The following DHX30 variants were observed in gnomAD, a reference collection of about 807,000 sequenced individuals.
DHX30 encodes DExH-box helicase 30, also known as ATP-dependent RNA helicase DHX30.
A neutral mutation model predicts 116.9 loss-of-function variants in DHX30; 4 were observed. The ratio of observed to expected loss-of-function variants is 0.03; its 90% CI spans 0.02 to 0.08. The LOEUF (loss-of-function observed/expected upper bound fraction) is 0.08. DHX30 is among the 10% of genes least tolerant of loss of function. The pLI, the probability that DHX30 is intolerant of heterozygous loss-of-function variation, is 1.00. For missense variants in DHX30, 871 were observed against 1,595.1 expected (o/e 0.55, Z 7.73); for synonymous variants, 697 against 651.7 (o/e 1.07, Z -1.06).
At position 47,848,513 on chromosome 3, in the gene DHX30, G is replaced by A. The variant is rs1249353377; in HGVS notation, c.2538G>A (p.Lys846=). 1 of 1,614,090 alleles carries A rather than the reference G, an allele frequency of 6.2e-7. No homozygotes were observed. The highest frequency in any genetic ancestry group is 8.5e-7 in the Non-Finnish European group (1 of 1,180,014). Residue 846 remains lysine, a synonymous_variant, in exon 16 of 22, where the codon AAG becomes AAA. Transcript: ENST00000445061. The surrounding 1 kb of genome is among the most constrained non-coding windows in gnomAD (Gnocchi z 9.4). ...LSKAVDSPNI[K]AVDEAVILLQ... ...AGGCTGTGGACAGTCCAAACATCAAGGCAGTGGACGAGGCTGTGATCTTGC... is the reference window on the plus strand; with the variant it reads ...AGGCTGTGGACAGTCCAAACATCAAAGCAGTGGACGAGGCTGTGATCTTGC...
rs554239666 is a variant in DHX30 at position 47,824,565 on chromosome 3, T to G, written c.125-2782T>G. Among the ~76,000 whole-genome samples, 10 of 152,262 alleles carry G rather than the reference T, an allele frequency of 6.6e-5. No individual in the cohort carries two copies. In the East Asian group the frequency reaches 7.7e-4, roughly 12 times the overall value. ...CCTCAACCTCCCAAAGTGTTGGGAT[T>G]GCAGGCATGAGCCACGGCGCCTGGC... On this transcript the variant is annotated intron_variant, in intron 4 of 21. Transcript: ENST00000445061.
intron 18 of DHX30, 44 bp downstream of exon 18, chr3:47,849,123 C>T (rs1266944213): frequency 1.2e-6 from 2 of 1,612,130 alleles, no homozygotes; most frequent in East Asian, 2.2e-5. Flanking sequence ...CTCCCACCCC[C>T]ACTGAGTTTC....
intron 2 of DHX30, among the ~76,000 whole-genome samples, chr3:47,807,803 C>T (rs1467320620): frequency 6.6e-6 from 1 of 151,450 alleles, no homozygotes; most frequent in Non-Finnish European, 1.5e-5. Context: ...ACTGTGTTGC[C>T]TAGGCTGGTC....
chr3:47,834,869 T>G (rs2037033041), intron 6 of DHX30, among the ~76,000 whole-genome samples: 3 of 152,224 alleles, frequency 2.0e-5, no homozygotes, highest in Admixed American at 1.3e-4. Flanking sequence ...TGAATAATGC[T>G]GCAGTTAACA....
intron 2 of DHX30, among the ~76,000 whole-genome samples, chr3:47,809,418 A>AC (rs2035688804): frequency 6.6e-6 from 1 of 150,446 alleles, no homozygotes; most frequent in East Asian, 2.0e-4. Context: ...ATTTTTTTGT[A>AC]TTTTTTTAGT....
intron 6 of DHX30, among the ~76,000 whole-genome samples, chr3:47,832,793 T>G (rs908940106): frequency 6.6e-6 from 1 of 151,924 alleles, no homozygotes; most frequent in African/African-American, 2.4e-5. Flanking sequence ...TGTGCCACCA[T>G]GCTCAGCTAA....
At chr3:47,803,496 C>T (rs1454351084) in intron 1 of DHX30, among the ~76,000 whole-genome samples, 1 of 152,106 alleles carries the variant, frequency 6.6e-6, no homozygotes, top group Non-Finnish European at 1.5e-5. Flanking sequence ...GCCAGGGGCT[C>T]CGCGGAGGCC....
intron 10 of DHX30, 100 bp downstream of exon 10, chr3:47,845,952 C>T: frequency 1.3e-6 from 2 of 1,502,764 alleles, no homozygotes; most frequent in Non-Finnish European, 1.8e-6. Context: ...AGTACCTCCC[C>T]ATTCTCTTCA....
chr3:47,844,309 A>AC (rs1441678873), intron 9 of DHX30, among the ~76,000 whole-genome samples: 7 of 152,330 alleles, frequency 4.6e-5, no homozygotes, highest in South Asian at 4.1e-4. Flanking sequence ...CAGATATGCT[A>AC]CCTGTGACTC....
In DHX30 at chr3:47,846,306, C is replaced by T. The variant is rs746131207; in HGVS notation, c.1234C>T (p.Arg412Cys). 9.9e-6 allele frequency: 16 copies of T among 1,614,234 alleles called. 1 individual carries two copies. In the Middle Eastern group the frequency reaches 1.5e-3, roughly 150 times the overall value. The change falls in exon 11 of 22, where the codon CGT (arginine) becomes TGT (cysteine). Residue 412 changes from arginine (R) to cysteine (C), a missense_variant. Physicochemically the swap from Arg to Cys is radical, Grantham distance 180. Transcript: ENST00000445061. ...YVPLLEAEEVRLSQSLLELWR... is the reference protein window; with the variant it reads ...YVPLLEAEEVCLSQSLLELWR... ...GCCCCTGTTGGAAGCAGAGGAGGTA[C>T]GTCTCAGCCAGAGTCTGCTAGAACT... is the stretch of plus-strand genomic sequence containing the variant.
At chr3:47,813,495 T>G (rs2106950931) in intron 3 of DHX30, among the ~76,000 whole-genome samples, 1 of 152,314 alleles carries the variant, frequency 6.6e-6, no homozygotes, top group African/African-American at 2.4e-5. Flanking sequence ...CTGTGGGGAC[T>G]TTAGGGGCCA....
At chr3:47,843,060 C>T in intron 8 of DHX30, 46 bp from the exon 9 acceptor site, 6 of 1,607,018 alleles carry the variant, frequency 3.7e-6, no homozygotes, top group Non-Finnish European at 5.1e-6. Flanking sequence ...CAAGTCTCTT[C>T]CCATTCCCTA....
At chr3:47,834,215 T>G (rs2037002272) in intron 6 of DHX30, among the ~76,000 whole-genome samples, 1 of 152,102 alleles carries the variant, frequency 6.6e-6, no homozygotes, top group South Asian at 2.1e-4. Context: ...GCAATTCTCA[T>G]GTCTCAGCCT....
chr3:47,841,796 TC>T, intron 8 of DHX30, 59 bp downstream of exon 8: 2 of 1,613,198 alleles, frequency 1.2e-6, no homozygotes, highest in Middle Eastern at 1.7e-4. Context: ...TGTCTGGTGT[TC>T]CCTAAAGGCA....
chr3:47,827,360 A>G lies in DHX30; in HGVS notation c.138A>G (p.Leu46=). ...GGTISRASRD[L]LKEFPQPKNL... is the part of the protein sequence containing the mutation. ...TTATTTTCTTAGCTTCTAGGGACCT[A>G]TTAAAAGAGTTCCCACAGCCCAAAA... Residue 46 remains leucine (L), a synonymous_variant, in exon 5 of 22, where the codon CTA becomes CTG. Coordinates refer to ENST00000445061, the MANE Select transcript of DHX30 (RefSeq NM_138615.3). 2.5e-6 allele frequency: 4 copies of G among 1,611,468 alleles called. No individual in the cohort carries two copies. Among genetic ancestry groups the G allele is most frequent in the Non-Finnish European group, 3.4e-6 (4 of 1,179,334 alleles).
At position 47,847,253 on chromosome 3, in the gene DHX30, C is replaced by T. The variant is rs752047282; in HGVS notation, c.1930-20C>T. The T allele has an allele frequency of 4.3e-6, 7 of 1,614,048 alleles. No individual in the cohort carries two copies. The African/African-American group carries it at 5.3e-5, about 12-fold the overall frequency. ...CCTTACCCCGGGGCTGTGACTGTGGCCTCTCTTCCCCCACCCCAGTCTGAG... is the reference window on the plus strand; with the variant it reads ...CCTTACCCCGGGGCTGTGACTGTGGTCTCTCTTCCCCCACCCCAGTCTGAG... On this transcript the variant is annotated intron_variant, in intron 11 of 21. Transcript: ENST00000445061. This position sits in a 1 kb window ranked among gnomAD's most constrained non-coding sequence, Gnocchi z 5.5.
intron 2 of DHX30, among the ~76,000 whole-genome samples, chr3:47,808,530 CG>C (rs1405637102): frequency 6.6e-6 from 1 of 150,628 alleles, no homozygotes; most frequent in African/African-American, 2.4e-5. Context: ...TTTACCATTT[CG>C]TAGCAATAGA....
intron 4 of DHX30, among the ~76,000 whole-genome samples, chr3:47,823,388 G>A (rs1471342285): frequency 2.5e-4 from 36 of 146,558 alleles, no homozygotes; most frequent in African/African-American, 7.6e-4. Context: ...TTTTTGAGAC[G>A]GAGTCTCACT....
intron 1 of DHX30, among the ~76,000 whole-genome samples, chr3:47,804,643 A>G (rs2035439419): frequency 6.6e-6 from 1 of 152,216 alleles, no homozygotes; most frequent in African/African-American, 2.4e-5. Flanking sequence ...TAACAGTATA[A>G]TATGTCTCAA....
Sources: gnomAD v4.1 joint callset for allele counts (sites outside exome capture counted in the v4.1 genomes callset) on GRCh38, gnomAD v4.1.1 for gene constraint, Gnocchi (gnomAD v3.1) non-coding constraint, MANE v1.5 for transcripts, NCBI Gene and HGNC (gene_info 2026-07-23, HGNC 2026-07-21) for gene names.